Variants in IGSF6 observed in about 807,000 individuals in gnomAD.
IGSF6 encodes immunoglobulin superfamily member 6.
IGSF6 carries 23 observed loss-of-function variants against 24.7 expected under a neutral mutation model. The ratio of observed to expected loss-of-function variants is 0.93; its 90% CI spans 0.67 to 1.32. The LOEUF (loss-of-function observed/expected upper bound fraction) is 1.32. Ranked by LOEUF, IGSF6 falls within the 40% of genes most tolerant of loss-of-function variation. The probability of loss-of-function intolerance (pLI) is 0.00; values close to 1 mark genes in which losing one functional copy is unlikely to be tolerated. For synonymous variants in IGSF6, 110 were observed against 113.7 expected (o/e 0.97, Z 0.21); for missense variants, 295 against 293.6 (o/e 1.00, Z -0.04).
At chr16:21,642,257 A>G (rs935473971) in intron 5 of IGSF6, 3 of 151,960 alleles carry the variant, frequency 2.0e-5, no homozygotes, top group Non-Finnish European at 4.4e-5. Flanking sequence ...GTTTAAGAGG[A>G]AAATATCTTT....
At chr16:21,647,078 T>G in intron 2 of IGSF6, 55 bp downstream of exon 2, 1 of 1,612,194 alleles carries the variant, frequency 6.2e-7, no homozygotes, top group Non-Finnish European at 8.5e-7. Flanking sequence ...GGTAATGATT[T>G]TACAGGCCTG....
intron 1 of IGSF6, chr16:21,651,804 C>A (rs1244042278): frequency 6.6e-6 from 1 of 152,068 alleles, no homozygotes; most frequent in East Asian, 1.9e-4. Flanking sequence ...GACAGGAATT[C>A]TTCTTTAAAA....
chr16:21,647,892 G>T (rs1056283502), intron 1 of IGSF6, among the ~76,000 whole-genome samples: 2 of 152,282 alleles, frequency 1.3e-5, no homozygotes, highest in South Asian at 4.1e-4. Context: ...GGCCTCCCCA[G>T]AGTGCTGTGT....
rs183002821 is a variant in IGSF6, at chr16:21,642,572, A to G, written c.666+502T>C. 7.9e-5 allele frequency among the ~76,000 whole-genome samples: 12 copies of G among 152,342 alleles called. No homozygotes were observed. The East Asian group carries it at 9.6e-4, about 12-fold the overall frequency. ...TAAAGGAATACTTTCAGGATGTATTATAGATATACATGTATTCTTTTCAGT... is the reference window on the plus strand; with the variant it reads ...TAAAGGAATACTTTCAGGATGTATTGTAGATATACATGTATTCTTTTCAGT... On this transcript the variant is annotated intron_variant, in intron 5 of 5. Coordinates refer to ENST00000268389, the MANE Select transcript of IGSF6 (RefSeq NM_005849.4).
chr16:21,651,050 T>C (rs920731024), intron 1 of IGSF6, among the ~76,000 whole-genome samples: 10 of 152,062 alleles, frequency 6.6e-5, no homozygotes, highest in Admixed American at 6.5e-5. Flanking sequence ...GGTGAAACGC[T>C]GTCTCTACTA....
rs778857819 is a variant in IGSF6 at position 21,640,272 on chromosome 16, G to C, written c.*1262C>G. 1.3e-5 allele frequency: 2 copies of C among 152,000 alleles called. No individual in the cohort carries two copies. Among genetic ancestry groups the C allele is most frequent in the East Asian group, 1.9e-4 (1 of 5,182 alleles). 9.4% of individuals were successfully genotyped at this position (152,000 alleles called of 1,614,324 possible). A position where few individuals can be genotyped will look rare whatever the true frequency, so the allele number is the denominator to read the frequency against. ...CACTTTAATGAAATAAACATAGTAG[G>C]TTGTAAGGTTGTAATTTGTGTCTAA... On this transcript the variant is annotated 3_prime_UTR_variant, in exon 6 of 6. Coordinates refer to ENST00000268389, the MANE Select transcript of IGSF6 (RefSeq NM_005849.4).
intron 2 of IGSF6, 96 bp downstream of exon 2, chr16:21,647,037 A>T (rs758946625): frequency 5.2e-6 from 8 of 1,545,654 alleles, no homozygotes; most frequent in African/African-American, 4.1e-5. Context: ...TAACTTAGCA[A>T]ATTTATCTCC....
chr16:21,652,582 C>G lies in IGSF6; in HGVS notation c.17G>C (p.Arg6Thr), dbSNP rs1269295872. Reference sequence around the variant, plus strand: ...TTGCAGATGGCGAGCGATGTTGCTTCTGCTCGCAGTCCCCATTTCTGTGTA... The same window carrying G: ...TTGCAGATGGCGAGCGATGTTGCTTGTGCTCGCAGTCCCCATTTCTGTGTA... MGTAS[R>T]SNIARHLQTN... The change falls in exon 1 of 6, where the codon AGA (arginine) becomes ACA (threonine). Residue 6 changes from arginine (R) to threonine (T), a missense_variant. By Grantham distance (71) the Arg-to-Thr change is moderately conservative (BLOSUM62 -1). Coordinates refer to ENST00000268389, the MANE Select transcript of IGSF6 (RefSeq NM_005849.4). 6.2e-7 allele frequency: 1 copy of G among 1,610,428 alleles called. No individual in the cohort carries two copies. The highest frequency in any genetic ancestry group is 2.2e-5 in the East Asian group (1 of 44,720).
In IGSF6 at chr16:21,647,317, G is replaced by A. The variant is rs1454374; in HGVS notation, c.243C>T (p.Asp81=). 1,172 of 1,614,148 alleles carry A rather than the reference G, an allele frequency of 7.3e-4. 15 individuals carry two copies. The African/African-American group carries it at 0.013, about 18-fold the overall frequency. ...GAHQPENLCL[D]GCKSEADKFT... ...ACTTGTCTGCCTCACTTTTGCACCC[G>A]TCCAAGCACAGGTTCTCAGGCTGGT... The change falls in exon 2 of 6, where the codon GAC becomes GAT. Residue 81 remains aspartate (D), a synonymous_variant. Coordinates refer to ENST00000268389, the MANE Select transcript of IGSF6 (RefSeq NM_005849.4).
rs1273282956 is a variant in IGSF6 at position 21,640,595 on chromosome 16, A to AC, written c.*938dup. On this transcript the variant is annotated 3_prime_UTR_variant, in exon 6 of 6. Coordinates refer to ENST00000268389, the MANE Select transcript of IGSF6 (RefSeq NM_005849.4). ...GTGAAACCCCGTCTCTACTAAAAAT[A>AC]CAAAAAAAAAAAAAAAAAAAAATTA... The AC allele has an allele frequency of 2.4e-5, 3 of 122,974 alleles. No homozygotes were observed. Among genetic ancestry groups the AC allele is most frequent in the African/African-American group, 1.2e-4 (3 of 25,714 alleles). 7.6% of individuals were successfully genotyped at this position (122,974 alleles called of 1,614,324 possible). A position where few individuals can be genotyped will look rare whatever the true frequency, so the allele number is the denominator to read the frequency against.
chr16:21,641,705 C>G (rs1322092698), intron 5 of IGSF6, 112 bp from the exon 6 acceptor site: 2 of 543,064 alleles, frequency 3.7e-6, no homozygotes, highest in African/African-American at 2.0e-5. Flanking sequence ...TCCTAAGTGT[C>G]CATATGGTAA....
In IGSF6 at chr16:21,645,602, A is replaced by G. The variant is rs540422369; in HGVS notation, c.428-1206T>C. 7.2e-4 allele frequency among the ~76,000 whole-genome samples: 110 copies of G among 152,356 alleles called. 1 individual carries two copies. Among genetic ancestry groups the G allele is most frequent in the Non-Finnish European group, 1.3e-3 (86 of 68,038 alleles). On this transcript the variant is annotated intron_variant, in intron 2 of 5. Transcript: ENST00000268389. Reference sequence around the variant, plus strand: ...TTCAGTGTGAAAATAGGAGTTCTGTAGAAGAGACAGGAAGTTGCCATGTCT... The same window carrying G: ...TTCAGTGTGAAAATAGGAGTTCTGTGGAAGAGACAGGAAGTTGCCATGTCT...
chr16:21,642,995 G>T, intron 5 of IGSF6, 79 bp downstream of exon 5: 1 of 895,240 alleles, frequency 1.1e-6, no homozygotes, highest in South Asian at 1.4e-5. Flanking sequence ...CATGGTTCTT[G>T]ACAGCTCCTT....
chr16:21,643,968 T>C (rs1244011326), intron 3 of IGSF6, among the ~76,000 whole-genome samples: 3 of 152,178 alleles, frequency 2.0e-5, no homozygotes, highest in Non-Finnish European at 4.4e-5. Context: ...ATAACAGTAA[T>C]ATCTCGCCCT....
rs1345325061 is a variant in IGSF6 at position 21,652,517 on chromosome 16, G to GA, written c.67+14dup. ...ATTTAAATAAAATGAAGGAGGAGAA[G>GA]AAAAAGAACCTTACCGACACAAAAT... On this transcript the variant is annotated intron_variant, in intron 1 of 5. Transcript: ENST00000268389. 1 of 1,598,906 alleles carries GA rather than the reference G, an allele frequency of 6.3e-7. No homozygotes were observed. Among genetic ancestry groups the GA allele is most frequent in the East Asian group, 2.2e-5 (1 of 44,612 alleles).
At chr16:21,648,841 T>C (rs573604412) in intron 1 of IGSF6, among the ~76,000 whole-genome samples, 1 of 152,336 alleles carries the variant, frequency 6.6e-6, no homozygotes, top group East Asian at 1.9e-4. Context: ...TGAAAAGTCA[T>C]CCAAGTGGTC....
At chr16:21,651,764 A>G (rs1567349814) in intron 1 of IGSF6, 1 of 152,070 alleles carries the variant, frequency 6.6e-6, no homozygotes, top group Non-Finnish European at 1.5e-5. Context: ...CAGCCATTTT[A>G]TCTGCATCTT....
chr16:21,648,295 TATA>T, intron 1 of IGSF6, among the ~76,000 whole-genome samples: 1 of 152,286 alleles, frequency 6.6e-6, no homozygotes, highest in East Asian at 1.9e-4. Context: ...TTCCCAGCAT[TATA>T]ATCTCAGTAT....
At chr16:21,645,594 A>T (rs1412229220) in intron 2 of IGSF6, among the ~76,000 whole-genome samples, 1 of 152,222 alleles carries the variant, frequency 6.6e-6, no homozygotes, top group Non-Finnish European at 1.5e-5. Flanking sequence ...TGAAAATAGG[A>T]GTTCTGTAGA....
Sources: gnomAD v4.1 joint callset for allele counts (sites outside exome capture counted in the v4.1 genomes callset) on GRCh38, gnomAD v4.1.1 for gene constraint, MANE v1.5 for transcripts, NCBI Gene and HGNC (gene_info 2026-07-23, HGNC 2026-07-21) for gene names.